ABCB1: variants seen among roughly 807,000 people sequenced by gnomAD.
ABCB1 encodes ATP binding cassette subfamily B member 1, also known as ATP-dependent translocase ABCB1.
Under a neutral mutation model 142.0 loss-of-function variants are expected in ABCB1, and 69 were observed. The observed-to-expected ratio is 0.49, with a 90% confidence interval of 0.40 to 0.59. The LOEUF is 0.59. Ranked by LOEUF, ABCB1 falls within the 20% of genes least tolerant of loss-of-function variation. The pLI, the probability that ABCB1 is intolerant of heterozygous loss-of-function variation, is 0.00. For missense variants in ABCB1, 1,326 were observed against 1,554.7 expected, an observed-to-expected ratio of 0.85 and a Z score of 2.47; for synonymous variants, 532 against 539.2, an observed-to-expected ratio of 0.99 and a Z score of 0.18.
intron 1 of ABCB1, among the ~76,000 whole-genome samples, chr7:87,709,894 A>G (rs1427443116): frequency 6.6e-6 from 1 of 152,196 alleles, no homozygotes; most frequent in African/African-American, 2.4e-5. Context: ...GAAAGTCCGT[A>G]AGAAAATTAA....
At chr7:87,589,674 A>G (rs1235374708) in intron 3 of ABCB1, among the ~76,000 whole-genome samples, 2 of 151,656 alleles carry the variant, frequency 1.3e-5, no homozygotes, top group Non-Finnish European at 2.9e-5. Context: ...GGTCCTAGCT[A>G]CTCCAGAGGC....
intron 1 of ABCB1, among the ~76,000 whole-genome samples, chr7:87,630,528 A>T (rs1274443991): frequency 6.6e-6 from 1 of 152,124 alleles, no homozygotes; most frequent in South Asian, 2.1e-4. Context: ...AGCAAGGCTG[A>T]TTTTCTTAAC....
chr7:87,552,229 T>G (rs542061521), intron 9 of ABCB1, among the ~76,000 whole-genome samples: 31 of 152,326 alleles, frequency 2.0e-4, no homozygotes, highest in Admixed American at 5.9e-4. Flanking sequence ...GTGTTTCTCT[T>G]TGGGGTTGAT....
chr7:87,658,565 A>G (rs1824359057), intron 1 of ABCB1, among the ~76,000 whole-genome samples: 1 of 152,218 alleles, frequency 6.6e-6, no homozygotes, highest in African/African-American at 2.4e-5. Flanking sequence ...AAAAATTCAA[A>G]TAAATTCATG....
At chr7:87,571,560 G>T (rs1765692660) in intron 4 of ABCB1, among the ~76,000 whole-genome samples, 1 of 152,134 alleles carries the variant, frequency 6.6e-6, no homozygotes, top group African/African-American at 2.4e-5. Flanking sequence ...CTTAGCAACT[G>T]ATAGAATATA....
chr7:87,628,584 CGTGTGTGTGTGTGTGTGTGTGT>C (rs71117546), intron 1 of ABCB1: 3,812 of 290,756 alleles, frequency 0.013, 48 homozygotes, highest in Admixed American at 0.019. Flanking sequence ...TGCGTGCGTG[CGTGTGTGTGTGTGTGTGTGTGT>C]GTGTGTGTGT....
intron 1 of ABCB1, among the ~76,000 whole-genome samples, chr7:87,668,005 G>T (rs183749981): frequency 2.1e-4 from 32 of 152,186 alleles, no homozygotes; most frequent in African/African-American, 7.2e-4. Flanking sequence ...CTTAGAGAAT[G>T]AGGTGGGGAG....
At chr7:87,516,151 C>T (rs1326360741) in intron 24 of ABCB1, among the ~76,000 whole-genome samples, 2 of 152,006 alleles carry the variant, frequency 1.3e-5, no homozygotes, top group African/African-American at 4.8e-5. Context: ...GAGGCTGAGG[C>T]AGGAGGATCG....
chr7:87,519,102 G>T, intron 23 of ABCB1: 2 of 585,002 alleles, frequency 3.4e-6, no homozygotes, highest in Non-Finnish European at 3.0e-6. Context: ...ATTTGAAAAG[G>T]TCAACTATGT....
At chr7:87,661,238 G>A (rs1824679742) in intron 1 of ABCB1, among the ~76,000 whole-genome samples, 2 of 151,612 alleles carry the variant, frequency 1.3e-5, no homozygotes, top group South Asian at 4.2e-4. Context: ...ATCACTTCAA[G>A]CATTCATTTT....
upstream of ABCB1, among the ~76,000 whole-genome samples, chr7:87,604,791 A>T (rs1359853334): frequency 6.6e-6 from 1 of 152,196 alleles, no homozygotes; most frequent in African/African-American, 2.4e-5. Context: ...TAGCCATGTG[A>T]TAAGTCGATG....
At chr7:87,648,406 C>T (rs1207313549) in intron 1 of ABCB1, among the ~76,000 whole-genome samples, 1 of 151,802 alleles carries the variant, frequency 6.6e-6, no homozygotes, top group African/African-American at 2.4e-5. Flanking sequence ...GAAAATGTCC[C>T]AGAGGAAGTG....
chr7:87,594,479 T>C (rs553162827), intron 3 of ABCB1, among the ~76,000 whole-genome samples: 5 of 152,144 alleles, frequency 3.3e-5, no homozygotes, highest in Non-Finnish European at 5.9e-5. Context: ...TTAAATTTTC[T>C]AAAATATAAG....
chr7:87,529,945 A>G (rs868716246), intron 21 of ABCB1, among the ~76,000 whole-genome samples: 14 of 152,238 alleles, frequency 9.2e-5, no homozygotes, highest in African/African-American at 3.1e-4. Context: ...GGAGCCTGAT[A>G]GGATGCCTCG....
chr7:87,700,331 T>A, intron 1 of ABCB1: 1 of 1,167,202 alleles, frequency 8.6e-7, no homozygotes, highest in Non-Finnish European at 1.2e-6. Context: ...CTATATTACC[T>A]TTATTTTTCA....
intron 1 of ABCB1, among the ~76,000 whole-genome samples, chr7:87,694,574 C>A (rs908818628): frequency 1.3e-5 from 2 of 152,164 alleles, no homozygotes; most frequent in African/African-American, 4.8e-5. Context: ...CACAATTAAT[C>A]CTTTCAAGCA....
chr7:87,659,751 A>G (rs536174277), intron 1 of ABCB1, among the ~76,000 whole-genome samples: 2 of 152,282 alleles, frequency 1.3e-5, no homozygotes, highest in East Asian at 1.9e-4. Context: ...TGAAGTTTCT[A>G]GCCAGTCTTC....
rs199902686 is a variant in ABCB1, at chr7:87,626,485, CATATATATGTGTCATATATGTGTCAT to C, written c.-330-25433_-330-25408del. Among the ~76,000 whole-genome samples the C allele has an allele frequency of 1.1e-3, 10 of 9,226 alleles. 2 individuals carry two copies. Among genetic ancestry groups the C allele is most frequent in the South Asian group, 6.5e-3 (1 of 154 alleles). The allele number at this position is 9,226 out of a possible 152,430, so 6.1% of individuals were successfully genotyped here. ...TCATATATGTGTCATATATATGTGT[CATATATATGTGTCATATATGTGTCAT>C]ATATATGTGTCATATATATGTGTCA... On this transcript the variant is annotated intron_variant, in intron 1 of 28. Coordinates refer to the ABCB1 transcript ENST00000265724.
intron 1 of ABCB1, among the ~76,000 whole-genome samples, chr7:87,710,892 A>G (rs1262401213): frequency 6.6e-6 from 1 of 152,110 alleles, no homozygotes; most frequent in African/African-American, 2.4e-5. Flanking sequence ...TTTCTAAATC[A>G]TTTCTGATTC....
Sources: allele counts gnomAD v4.1 joint callset (sites outside exome capture counted in the v4.1 genomes callset), GRCh38; gene constraint gnomAD v4.1.1; transcripts MANE v1.5; gene names NCBI Gene and HGNC (gene_info 2026-07-23, HGNC 2026-07-21).